The following SIK3 variants were observed in gnomAD, a reference collection of about 807,000 sequenced individuals.
SIK3 encodes the protein SIK family kinase 3.
A neutral mutation model predicts 144.2 loss-of-function variants in SIK3; 28 were observed. That is an observed-to-expected ratio of 0.19 (90% CI 0.14 to 0.27). The LOEUF (loss-of-function observed/expected upper bound fraction) is 0.27, where lower values mean the gene tolerates loss of function less well. Ranked by LOEUF, SIK3 falls within the 10% of genes least tolerant of loss-of-function variation. The pLI, the probability that SIK3 is intolerant of heterozygous loss-of-function variation, is 1.00. For missense variants in SIK3, 1,319 were observed against 1,776.0 expected (o/e 0.74, Z 4.62); for synonymous variants, 686 against 676.3 (o/e 1.01, Z -0.22).
intron 3 of SIK3, among the ~76,000 whole-genome samples, chr11:116,943,245 T>C (rs1948411048): frequency 6.6e-6 from 1 of 151,470 alleles, no homozygotes; most frequent in African/African-American, 2.4e-5. Flanking sequence ...GAAAAAAAGG[T>C]AATTAGCTAT....
In SIK3 at chr11:116,990,610, A is replaced by G. The variant is rs574169780; in HGVS notation, c.274-33546T>C. Among the ~76,000 whole-genome samples the G allele has an allele frequency of 3.9e-5, 6 of 152,298 alleles. No individual in the cohort carries two copies. The South Asian group carries it at 1.0e-3, about 26-fold the overall frequency. Reference sequence around the variant, plus strand: ...TCGATCACTCTTCCCAGACACAAGTATCTCCAACCAGACAGCAATAACTTC... The same window carrying G: ...TCGATCACTCTTCCCAGACACAAGTGTCTCCAACCAGACAGCAATAACTTC... On this transcript the variant is annotated intron_variant, in intron 1 of 24. Transcript: ENST00000445177.
chr11:117,093,732 G>T (rs539558604), intron 1 of SIK3, among the ~76,000 whole-genome samples: 2 of 151,372 alleles, frequency 1.3e-5, no homozygotes, highest in Non-Finnish European at 2.9e-5. Flanking sequence ...GATTTCATGA[G>T]ATTAGCCAGC....
In SIK3 at chr11:116,876,939, A is replaced by G. The variant is rs567065731; in HGVS notation, c.969T>C (p.Asp323=). 1 of 1,614,182 alleles carries G rather than the reference A, an allele frequency of 6.2e-7. No homozygotes were observed. The highest frequency in any genetic ancestry group is 2.2e-5 in the East Asian group (1 of 44,880). ...KHKWMKLGDA[D]PNFDRLIAEC... ...CCCAGCTCACCCTGTCAAAGTTGGGATCGGCGTCCCCTAGCTTCATCCACT... is the reference window on the plus strand; with the variant it reads ...CCCAGCTCACCCTGTCAAAGTTGGGGTCGGCGTCCCCTAGCTTCATCCACT... The change falls in exon 7 of 25, where the codon GAT becomes GAC. Residue 323 remains aspartate (D), a synonymous_variant. Transcript: ENST00000445177.
intron 1 of SIK3, among the ~76,000 whole-genome samples, chr11:117,061,414 G>A (rs544275327): frequency 2.0e-4 from 30 of 152,220 alleles, no homozygotes; most frequent in African/African-American, 7.2e-4. Context: ...GGCTCAGTCT[G>A]GCTCTTCCAC....
intron 11 of SIK3, among the ~76,000 whole-genome samples, chr11:116,874,821 G>C (rs749315612): frequency 6.6e-6 from 1 of 152,166 alleles, no homozygotes; most frequent in Non-Finnish European, 1.5e-5. Flanking sequence ...AAGAGGTAAG[G>C]CTATTTTAAT....
intron 20 of SIK3, 83 bp downstream of exon 20, chr11:116,859,182 C>G: frequency 1.5e-6 from 2 of 1,295,680 alleles, no homozygotes; most frequent in Non-Finnish European, 2.1e-6. Context: ...TTCTCCTTCC[C>G]TCCTTTTCTC....
intron 13 of SIK3, among the ~76,000 whole-genome samples, chr11:116,871,024 A>T (rs1257411273): frequency 6.6e-6 from 1 of 152,258 alleles, no homozygotes; most frequent in Non-Finnish European, 1.5e-5. Flanking sequence ...ACTCCAGGAA[A>T]GCATAGTGAA....
chr11:116,902,675 C>T (rs184234002), intron 4 of SIK3, among the ~76,000 whole-genome samples: 18 of 152,278 alleles, frequency 1.2e-4, no homozygotes, highest in Middle Eastern at 3.4e-3. Context: ...TCCTATTATG[C>T]ACCAAACAAA....
intron 1 of SIK3, among the ~76,000 whole-genome samples, chr11:116,984,722 A>T (rs1950268030): frequency 6.6e-6 from 1 of 152,180 alleles, no homozygotes; most frequent in South Asian, 2.1e-4. Flanking sequence ...ACACCCCAAG[A>T]CAGGCCTACA....
At chr11:116,926,251 C>T (rs188271297) in intron 4 of SIK3, among the ~76,000 whole-genome samples, 1 of 152,294 alleles carries the variant, frequency 6.6e-6, no homozygotes, top group African/African-American at 2.4e-5. Flanking sequence ...CGGAAAGTGT[C>T]GGCAAACATA....
chr11:117,016,023 A>G (rs1240329002), intron 1 of SIK3: 3 of 152,050 alleles, frequency 2.0e-5, no homozygotes, highest in African/African-American at 7.2e-5. Context: ...GTAGCTAATA[A>G]ACTGAAGATA....
At chr11:116,937,174 AC>A (rs1947962536) in intron 3 of SIK3, among the ~76,000 whole-genome samples, 1 of 152,224 alleles carries the variant, frequency 6.6e-6, no homozygotes, top group Non-Finnish European at 1.5e-5. Flanking sequence ...GCACTGCAAG[AC>A]GTAGAAAAAT....
chr11:116,963,153 G>C (rs749251797), intron 1 of SIK3, among the ~76,000 whole-genome samples: 2 of 152,174 alleles, frequency 1.3e-5, no homozygotes, highest in Non-Finnish European at 2.9e-5. Flanking sequence ...GGTCTCAAAA[G>C]TTATATTCTA....
intron 1 of SIK3, among the ~76,000 whole-genome samples, chr11:116,958,887 AAAC>A (rs1369256909): frequency 3.9e-5 from 6 of 152,330 alleles, no homozygotes; most frequent in Middle Eastern, 3.4e-3. Context: ...ACAGCTCCCA[AAAC>A]AACAACAAAA....
chr11:116,865,900 G>A (rs1034793559), intron 15 of SIK3, among the ~76,000 whole-genome samples: 21 of 152,206 alleles, frequency 1.4e-4, no homozygotes, highest in Admixed American at 9.8e-4. Flanking sequence ...GACATGCTGG[G>A]TTTGCACAAA....
At chr11:117,047,701 C>T (rs1451997585) in intron 1 of SIK3, among the ~76,000 whole-genome samples, 1 of 151,870 alleles carries the variant, frequency 6.6e-6, no homozygotes, top group Non-Finnish European at 1.5e-5. Flanking sequence ...CCCAGCACTT[C>T]GGAGGCCGAG....
chr11:117,029,586 T>TA (rs1952168416), intron 1 of SIK3, among the ~76,000 whole-genome samples: 1 of 152,068 alleles, frequency 6.6e-6, no homozygotes, highest in Admixed American at 6.5e-5. Context: ...TATGAGGGCC[T>TA]AAATTAAGGC....
chr11:117,095,715 G>A (rs1264045944), intron 1 of SIK3, among the ~76,000 whole-genome samples: 1 of 152,204 alleles, frequency 6.6e-6, no homozygotes, highest in Non-Finnish European at 1.5e-5. Context: ...TTCACCCAGA[G>A]CACGTGACAA....
intron 1 of SIK3, among the ~76,000 whole-genome samples, chr11:116,982,501 G>A (rs1451404868): frequency 6.6e-6 from 1 of 151,938 alleles, no homozygotes; most frequent in Non-Finnish European, 1.5e-5. Context: ...TGTTGGCCAG[G>A]CTGGTCTTGA....
Sources: allele counts gnomAD v4.1 joint callset (sites outside exome capture counted in the v4.1 genomes callset), GRCh38; gene constraint gnomAD v4.1.1; transcripts MANE v1.5; gene names NCBI Gene and HGNC (gene_info 2026-07-23, HGNC 2026-07-21).